The following FAM13B variants were observed in gnomAD, a reference collection of about 807,000 sequenced individuals.
The protein encoded by FAM13B is family with sequence similarity 13 member B.
A neutral mutation model predicts 117.3 loss-of-function variants in FAM13B; 60 were observed. The observed-to-expected ratio is 0.51, with a 90% confidence interval of 0.42 to 0.63. The LOEUF is 0.63. FAM13B is among the 30% of genes least tolerant of loss of function. The pLI, the probability that FAM13B is intolerant of heterozygous loss-of-function variation, is 0.00. For missense variants in FAM13B, 972 were observed against 1,091.9 expected, an observed-to-expected ratio of 0.89 and a Z score of 1.55; for synonymous variants, 332 against 356.1, an observed-to-expected ratio of 0.93 and a Z score of 0.76.
intron 5 of FAM13B, among the ~76,000 whole-genome samples, chr5:138,011,513 G>T (rs1177000750): frequency 6.6e-6 from 1 of 151,768 alleles, no homozygotes; most frequent in South Asian, 2.1e-4. Flanking sequence ...CCGCCTCCCC[G>T]GGTTCACGCC....
chr5:138,013,515 A>C (rs190101363), intron 4 of FAM13B, among the ~76,000 whole-genome samples: 2 of 151,664 alleles, frequency 1.3e-5, no homozygotes, highest in Non-Finnish European at 2.9e-5. Context: ...AAAAAAAAAA[A>C]AATTTTAAGT....
In FAM13B at chr5:137,983,213, A is replaced by AAAAAAAAAAAAAAAAAAAAAAAAAAAAAC. The variant is rs1561492748; in HGVS notation, c.1179+2043_1179+2044insGTTTTTTTTTTTTTTTTTTTTTTTTTTTT. ...AAAAAAAAAAAAAAAAAAAAAAAAAAAACCGAGTGAGATATCCTGAATGCC... is the reference window on the plus strand; with the variant it reads ...AAAAAAAAAAAAAAAAAAAAAAAAAAAAAAAAAAAAAAAAAAAAAAAAAAAAAACAACCGAGTGAGATATCCTGAATGCC... On this transcript the variant is annotated intron_variant, in intron 10 of 23. Transcript: ENST00000689681. Among the ~76,000 whole-genome samples the AAAAAAAAAAAAAAAAAAAAAAAAAAAAAC allele has an allele frequency of 1.2e-4, 11 of 93,720 alleles. 2 individuals are homozygous for AAAAAAAAAAAAAAAAAAAAAAAAAAAAAC. Among genetic ancestry groups the AAAAAAAAAAAAAAAAAAAAAAAAAAAAAC allele is most frequent in the Admixed American group, 2.4e-4 (2 of 8,462 alleles). The allele number at this position is 93,720 out of a possible 152,430, so 61.5% of individuals were successfully genotyped here.
intron 7 of FAM13B, among the ~76,000 whole-genome samples, chr5:138,005,923 G>A (rs1782430569): frequency 6.6e-6 from 1 of 150,644 alleles, no homozygotes; most frequent in South Asian, 2.1e-4. Context: ...TTTTGAGACG[G>A]AGTTTTGCTC....
chr5:138,006,606 T>G (rs1203706867), intron 7 of FAM13B, among the ~76,000 whole-genome samples: 5 of 152,222 alleles, frequency 3.3e-5, no homozygotes, highest in Admixed American at 1.3e-4. Flanking sequence ...TCTTAATGGA[T>G]CAGAGTTCCA....
At chr5:138,044,830 A>G (rs574699907) in intron 1 of FAM13B, among the ~76,000 whole-genome samples, 3 of 152,230 alleles carry the variant, frequency 2.0e-5, no homozygotes, top group Non-Finnish European at 4.4e-5. Context: ...TAAACTTTTT[A>G]TAGGGATTGC....
intron 1 of FAM13B, among the ~76,000 whole-genome samples, chr5:138,025,133 C>T (rs1341009444): frequency 6.6e-6 from 1 of 151,798 alleles, no homozygotes; most frequent in African/African-American, 2.4e-5. Context: ...CTCGGCATTA[C>T]AGGCATGAGC....
chr5:137,964,265 T>C (rs1012138183), intron 10 of FAM13B, among the ~76,000 whole-genome samples: 15 of 151,900 alleles, frequency 9.9e-5, no homozygotes, highest in Non-Finnish European at 5.9e-5. Flanking sequence ...TTCAGCATGT[T>C]GAATAGGGTA....
chr5:137,944,413 A>T (rs1434983282), intron 20 of FAM13B, among the ~76,000 whole-genome samples: 1 of 152,214 alleles, frequency 6.6e-6, no homozygotes, highest in African/African-American at 2.4e-5. Context: ...GCCCATCAAC[A>T]GTGGATTGGA....
intron 10 of FAM13B, among the ~76,000 whole-genome samples, chr5:137,983,176 T>TAAA (rs56880991): frequency 4.0e-5 from 3 of 75,096 alleles, no homozygotes; most frequent in African/African-American, 5.7e-5. Flanking sequence ...CCAGTGTAGG[T>TAAA]AAAAAAAAAA....
chr5:138,046,892 C>T (rs1791655318), intron 1 of FAM13B, among the ~76,000 whole-genome samples: 1 of 151,892 alleles, frequency 6.6e-6, no homozygotes, highest in Non-Finnish European at 1.5e-5. Flanking sequence ...ATTACAGGCA[C>T]CCACCACCAC....
At chr5:137,960,327 G>A (rs948667975) in intron 11 of FAM13B, 113 bp from the exon 12 acceptor site, 25 of 578,576 alleles carry the variant, frequency 4.3e-5, no homozygotes, top group African/African-American at 7.9e-5. Flanking sequence ...TACAATGTGC[G>A]AGGAGAAAAT....
chr5:138,006,331 T>C (rs899797793), intron 7 of FAM13B, among the ~76,000 whole-genome samples: 3 of 152,194 alleles, frequency 2.0e-5, no homozygotes, highest in African/African-American at 4.8e-5. Context: ...AGAACGAGCA[T>C]AGAATTTAGC....
chr5:138,043,584 C>T (rs1265912976), intron 1 of FAM13B, among the ~76,000 whole-genome samples: 1 of 151,752 alleles, frequency 6.6e-6, no homozygotes, highest in African/African-American at 2.4e-5. Flanking sequence ...GGACTACAGG[C>T]GCACGCCACC....
At position 137,987,551 on chromosome 5, in the gene FAM13B, T is replaced by C; in HGVS notation, c.956A>G (p.Asp319Gly). Residue 319 changes from aspartate to glycine, a missense_variant, in exon 9 of 24, where the codon GAT becomes GGT. Asp to Gly is a moderately conservative substitution (Grantham distance 94). Transcript: ENST00000689681. ...CTGTTGTAAATTCTTAAGATCATGA[T>C]CTATGCTGCTCTGAAGATCAAAAAG... ...QHLFDLQSSI[D>G]HDLKNLQQQS... The C allele has an allele frequency of 1.2e-6, 2 of 1,613,534 alleles. No individual in the cohort carries two copies. The highest frequency in any genetic ancestry group is 1.7e-6 in the Non-Finnish European group (2 of 1,179,694).
Position 137,954,251 on chromosome 5 carries a change from G to A in FAM13B, c.1633C>T (p.Arg545Cys), listed in dbSNP as rs374232103. 2.0e-5 allele frequency: 33 copies of A among 1,613,712 alleles called. No individual in the cohort carries two copies. Among genetic ancestry groups the A allele is most frequent in the South Asian group, 1.5e-4 (14 of 91,076 alleles). ...TGGCTTTGACCAAAATCTAAACTGC[G>A]GTGTGATAATACTGGAGGACAGTCC... ...EEDCPPVLSH[R>C]SLDFGQSQRF... The change falls in exon 15 of 24, where the codon CGC becomes TGC. Residue 545 changes from arginine to cysteine, a missense_variant. Transcript: ENST00000689681.
chr5:137,977,187 G>C (rs896987658), intron 10 of FAM13B, among the ~76,000 whole-genome samples: 34 of 152,126 alleles, frequency 2.2e-4, no homozygotes, highest in Non-Finnish European at 4.3e-4. Flanking sequence ...GGCTTATTAG[G>C]ACGAGGAAAT....
At chr5:137,940,649 TGTGA>T (rs1761429463) in intron 23 of FAM13B, among the ~76,000 whole-genome samples, 1 of 152,218 alleles carries the variant, frequency 6.6e-6, no homozygotes, top group African/African-American at 2.4e-5. Context: ...CTGCCAGGTC[TGTGA>T]GTGTCTATTA....
chr5:138,024,859 G>A (rs184984381), intron 1 of FAM13B, among the ~76,000 whole-genome samples: 65 of 147,822 alleles, frequency 4.4e-4, no homozygotes, highest in Non-Finnish European at 8.3e-4. Context: ...AGAGTTTTTT[G>A]AGTTTGTTTT....
chr5:138,018,831 T>G, intron 3 of FAM13B, 124 bp downstream of exon 3: 1 of 754,306 alleles, frequency 1.3e-6, no homozygotes, highest in Non-Finnish European at 2.1e-6. Flanking sequence ...TAAAAAGAAT[T>G]TCTAGTTTTT....
Sources: allele counts gnomAD v4.1 joint callset (sites outside exome capture counted in the v4.1 genomes callset), GRCh38; gene constraint gnomAD v4.1.1; transcripts MANE v1.5; gene names NCBI Gene and HGNC (gene_info 2026-07-23, HGNC 2026-07-21).